The following SV2C variants were observed in gnomAD, a reference collection of about 807,000 sequenced individuals.
The protein encoded by SV2C is solute carrier family 22 member B3.
Under a neutral mutation model 79.7 loss-of-function variants are expected in SV2C, and 49 were observed. The observed-to-expected ratio is 0.61, with a 90% CI of 0.49 to 0.78. The LOEUF (loss-of-function observed/expected upper bound fraction) is 0.78. Among genes scored for constraint, SV2C ranks in the 30% least tolerant of loss-of-function variants. The probability of loss-of-function intolerance (pLI) is 0.00; values close to 1 mark genes in which losing one functional copy is unlikely to be tolerated. For synonymous variants in SV2C, 334 were observed against 333.2 expected, an observed-to-expected ratio of 1.00 and a Z score of -0.03; for missense variants, 833 against 912.9, an observed-to-expected ratio of 0.91 and a Z score of 1.13.
chr5:76,006,772 C>G, the SV2C span, among the ~76,000 whole-genome samples: 1 of 147,408 alleles, frequency 6.8e-6, no homozygotes. Flanking sequence ...GGTCTACATT[C>G]CAGCCAAACT....
chr5:76,350,618 A>G (rs999101037), intron 12 of SV2C, among the ~76,000 whole-genome samples: 1 of 152,244 alleles, frequency 6.6e-6, no homozygotes, highest in Non-Finnish European at 1.5e-5. Flanking sequence ...TGAGCCAGAA[A>G]TATTTCTAGG....
At chr5:76,172,278 G>T (rs1344727178) in intron 2 of SV2C, among the ~76,000 whole-genome samples, 1 of 104,858 alleles carries the variant, frequency 9.5e-6, no homozygotes, top group Non-Finnish European at 2.1e-5. Flanking sequence ...CGCCCCGTCC[G>T]GGAGGGAGGT....
At chr5:76,345,052 C>A (rs555891365) in intron 12 of SV2C, among the ~76,000 whole-genome samples, 37 of 152,350 alleles carry the variant, frequency 2.4e-4, no homozygotes, top group African/African-American at 8.9e-4. Context: ...ATAGATGTTA[C>A]ATCCTCGATA....
intron 4 of SV2C, among the ~76,000 whole-genome samples, chr5:76,250,972 C>A (rs1746097313): frequency 6.6e-6 from 1 of 152,042 alleles, no homozygotes; most frequent in African/African-American, 2.4e-5. Flanking sequence ...CCAGGTAGAC[C>A]CCACACCTCC....
intron 8 of SV2C, among the ~76,000 whole-genome samples, 194 bp downstream of exon 8, chr5:76,292,050 G>T (rs1020256812): frequency 2.0e-5 from 3 of 152,108 alleles, no homozygotes; most frequent in African/African-American, 7.2e-5. Flanking sequence ...ATAAAGCTAA[G>T]GTAGCAAAAC....
chr5:75,885,979 G>T, the SV2C span, among the ~76,000 whole-genome samples: 1 of 152,224 alleles, frequency 6.6e-6, no homozygotes, highest in East Asian at 1.9e-4. Context: ...TCAGTTCCGT[G>T]GGGAGCTCTG....
At chr5:76,191,084 G>A (rs10942759) in intron 2 of SV2C, among the ~76,000 whole-genome samples, 6,955 of 139,820 alleles carry the variant, frequency 0.05, 602 homozygotes, top group East Asian at 0.36. Flanking sequence ...TACAGGAAGC[G>A]TGGCTGGGGA....
chr5:76,126,064 A>C (rs1748696181), intron 1 of SV2C, among the ~76,000 whole-genome samples: 3 of 152,088 alleles, frequency 2.0e-5, no homozygotes, highest in Admixed American at 1.3e-4. Flanking sequence ...AAAACAAACA[A>C]AAAACCCAAT....
chr5:76,257,915 TG>T (rs200821367), intron 4 of SV2C, among the ~76,000 whole-genome samples: 15,269 of 149,570 alleles, frequency 0.1, 875 homozygotes, highest in South Asian at 0.17. Context: ...TGGGTGTGTG[TG>T]GTGTGTGTAT....
At chr5:76,315,309 T>C (rs1432693841) in intron 12 of SV2C, among the ~76,000 whole-genome samples, 2 of 151,912 alleles carry the variant, frequency 1.3e-5, no homozygotes, top group Non-Finnish European at 2.9e-5. Context: ...AATATGAAAT[T>C]CATTTTTTCT....
the SV2C span, among the ~76,000 whole-genome samples, chr5:76,049,988 T>C: frequency 3.0e-4 from 45 of 152,348 alleles, no homozygotes; most frequent in African/African-American, 7.7e-4. Flanking sequence ...CCACTACTTA[T>C]TAATTGTGTA....
In SV2C at chr5:76,161,361, A is replaced by G. The variant is rs565160362; in HGVS notation, c.580+29031A>G. Among the ~76,000 whole-genome samples the G allele has an allele frequency of 4.6e-5, 7 of 152,238 alleles. No individual in the cohort carries two copies. In the East Asian group the frequency reaches 1.3e-3, roughly 29 times the overall value. On this transcript the variant is annotated intron_variant, in intron 2 of 12. Coordinates refer to ENST00000502798, the MANE Select transcript of SV2C (RefSeq NM_014979.4). The stretch of plus-strand genomic sequence containing the variant: ...AAAGTAGATTATCTGTTGCTTAGGG[A>G]TGCGGTGGATGAGAGGATGGGATGG...
At chr5:75,961,994 T>G in the SV2C span, among the ~76,000 whole-genome samples, 1 of 152,064 alleles carries the variant, frequency 6.6e-6, no homozygotes, top group East Asian at 1.9e-4. Flanking sequence ...ATTCAGATCC[T>G]CCCTGTGCTC....
the SV2C span, among the ~76,000 whole-genome samples, chr5:75,984,574 T>TCTATCTATCTATCTATCTACCTAC: frequency 1.2e-5 from 1 of 83,248 alleles, no homozygotes; most frequent in African/African-American, 3.2e-5. Flanking sequence ...TCTATATCTA[T>TCTATCTATCTATCTATCTACCTAC]CTATCTATCT....
At chr5:76,283,172 G>A (rs1434632397) in intron 4 of SV2C, among the ~76,000 whole-genome samples, 2 of 152,090 alleles carry the variant, frequency 1.3e-5, no homozygotes, top group African/African-American at 4.8e-5. Context: ...AATTAGCTGG[G>A]CATGATGGTG....
At chr5:76,267,744 C>T (rs1469693634) in intron 4 of SV2C, among the ~76,000 whole-genome samples, 2 of 152,228 alleles carry the variant, frequency 1.3e-5, no homozygotes, top group East Asian at 3.8e-4. Flanking sequence ...GATGTGGCTT[C>T]TGCAATCAGT....
intron 4 of SV2C, among the ~76,000 whole-genome samples, chr5:76,237,379 A>G (rs1745644398): frequency 6.6e-6 from 1 of 152,206 alleles, no homozygotes; most frequent in Non-Finnish European, 1.5e-5. Flanking sequence ...GGTTTTCAAC[A>G]TAATGAAATG....
At chr5:76,028,073 G>A in the SV2C span, among the ~76,000 whole-genome samples, 3 of 152,088 alleles carry the variant, frequency 2.0e-5, no homozygotes, top group Non-Finnish European at 4.4e-5. Context: ...AAATGTGGGC[G>A]CCTTGGACTC....
At position 76,159,105 on chromosome 5, in the gene SV2C, C is replaced by A. The variant is rs146090401; in HGVS notation, c.580+26775C>A. 3.5e-3 allele frequency among the ~76,000 whole-genome samples: 534 copies of A among 152,014 alleles called. 6 individuals are homozygous for A. The South Asian group carries it at 0.04, about 11-fold the overall frequency. On this transcript the variant is annotated intron_variant, in intron 2 of 12. Transcript: ENST00000502798. Reference sequence around the variant, plus strand: ...AACACCTTTTCATGGTAAAAACATTCAAAAAACTAGTAATAGGAAACATCC... The same window carrying A: ...AACACCTTTTCATGGTAAAAACATTAAAAAAACTAGTAATAGGAAACATCC...
Sources: allele counts gnomAD v4.1 joint callset (sites outside exome capture counted in the v4.1 genomes callset), GRCh38; gene constraint gnomAD v4.1.1; transcripts MANE v1.5; gene names NCBI Gene and HGNC (gene_info 2026-07-23, HGNC 2026-07-21).